Variants in CRIM1 observed in about 807,000 individuals in gnomAD.
CRIM1 encodes cysteine rich transmembrane BMP regulator 1.
Under a neutral mutation model 116.4 loss-of-function variants are expected in CRIM1, and 32 were observed. The ratio of observed to expected loss-of-function variants is 0.27; its 90% CI spans 0.21 to 0.37. CRIM1 has a LOEUF of 0.37. Ranked by LOEUF, CRIM1 falls within the 10% of genes least tolerant of loss-of-function variation. CRIM1 has a pLI of 1.00. For synonymous variants in CRIM1, 590 were observed against 509.2 expected (o/e 1.16, Z -2.13); for missense variants, 1,331 against 1,354.8 (o/e 0.98, Z 0.28).
chr2:36,397,225 T>C (rs11891181), intron 2 of CRIM1, among the ~76,000 whole-genome samples: 29,608 of 152,186 alleles, frequency 0.19, 3,131 homozygotes, highest in South Asian at 0.33. Flanking sequence ...ATTGAAGGCT[T>C]AGGTTGGTTT....
rs540586349 is a variant in CRIM1 at position 36,366,229 on chromosome 2, G to A, written c.331+9606G>A. Among the ~76,000 whole-genome samples, 164 of 151,996 alleles carry A rather than the reference G, an allele frequency of 1.1e-3. 1 individual carries two copies. The highest frequency in any genetic ancestry group is 1.9e-3 in the Non-Finnish European group (130 of 68,012). On this transcript the variant is annotated intron_variant, in intron 1 of 16. Coordinates refer to ENST00000280527, the MANE Select transcript of CRIM1 (RefSeq NM_016441.3). ...TTTTTTCCTTCCTGATGATCAAACCGTATTATCGCATAGTAGAAATTGGAT... is the reference window on the plus strand; with the variant it reads ...TTTTTTCCTTCCTGATGATCAAACCATATTATCGCATAGTAGAAATTGGAT...
chr2:36,400,160 A>G (rs902991927), intron 2 of CRIM1, among the ~76,000 whole-genome samples: 1 of 152,230 alleles, frequency 6.6e-6, no homozygotes, highest in African/African-American at 2.4e-5. Flanking sequence ...TACACTGAGA[A>G]GGAGACAAAA....
chr2:36,534,030 G>A (rs1353974966), intron 13 of CRIM1, among the ~76,000 whole-genome samples: 1 of 137,660 alleles, frequency 7.3e-6, no homozygotes, highest in Non-Finnish European at 1.6e-5. Flanking sequence ...AGGGTGAAAA[G>A]GAGAGAAGGA....
chr2:36,406,534 A>G (rs1460353373), intron 2 of CRIM1, among the ~76,000 whole-genome samples: 4 of 151,886 alleles, frequency 2.6e-5, no homozygotes, highest in African/African-American at 9.7e-5. Flanking sequence ...TCCTTTGCTC[A>G]TGTCAGGAAA....
chr2:36,457,502 G>C (rs919484679), intron 4 of CRIM1, among the ~76,000 whole-genome samples: 1 of 152,170 alleles, frequency 6.6e-6, no homozygotes, highest in Non-Finnish European at 1.5e-5. Context: ...CACTTGCTGT[G>C]GCTACAGCAC....
chr2:36,506,551 A>G, intron 8 of CRIM1, among the ~76,000 whole-genome samples: 1 of 152,118 alleles, frequency 6.6e-6, no homozygotes, highest in East Asian at 1.9e-4. Context: ...TTTTGAGCAT[A>G]GGAGCAAACA....
chr2:36,411,642 G>T (rs1027899074), intron 2 of CRIM1, among the ~76,000 whole-genome samples: 5 of 143,604 alleles, frequency 3.5e-5, no homozygotes, highest in Non-Finnish European at 6.0e-5. Context: ...GCAACCATGT[G>T]ATTATTTTTA....
chr2:36,358,625 A>G (rs1006568005), intron 1 of CRIM1, among the ~76,000 whole-genome samples: 1 of 152,116 alleles, frequency 6.6e-6, no homozygotes, highest in African/African-American at 2.4e-5. Context: ...TTTTCTGGCA[A>G]CACCCTGTGT....
rs530725843 is a variant in CRIM1 at position 36,389,665 on chromosome 2, A to C, written c.332-6949A>C. 1.3e-3 allele frequency among the ~76,000 whole-genome samples: 197 copies of C among 152,320 alleles called. 1 individual carries two copies. Among genetic ancestry groups the C allele is most frequent in the African/African-American group, 4.4e-3 (183 of 41,576 alleles). On this transcript the variant is annotated intron_variant, in intron 1 of 16. Transcript: ENST00000280527. ...TAACCTAAACAGATACAAGGTGGAA[A>C]AGGTAAGAATCTGAGCATACAAATG...
intron 1 of CRIM1, among the ~76,000 whole-genome samples, chr2:36,395,425 T>C (rs1446615048): frequency 6.6e-6 from 1 of 152,280 alleles, no homozygotes; most frequent in Non-Finnish European, 1.5e-5. Context: ...ATGTTTACTA[T>C]GTAACAGTCA....
At chr2:36,544,889 G>A (rs1022526969) in intron 15 of CRIM1, among the ~76,000 whole-genome samples, 2 of 152,176 alleles carry the variant, frequency 1.3e-5, no homozygotes, top group African/African-American at 4.8e-5. Flanking sequence ...TCCGCACTGA[G>A]CATTTGTACA....
intron 7 of CRIM1, among the ~76,000 whole-genome samples, chr2:36,487,691 C>T (rs1276513986): frequency 2.0e-5 from 3 of 152,044 alleles, no homozygotes; most frequent in African/African-American, 7.2e-5. Context: ...GAAGAGGTTT[C>T]AAACAGAATT....
chr2:36,420,352 G>A (rs1331660785), intron 2 of CRIM1, among the ~76,000 whole-genome samples: 1 of 152,174 alleles, frequency 6.6e-6, no homozygotes, highest in Non-Finnish European at 1.5e-5. Flanking sequence ...AGTTAAAGGG[G>A]TGAAGTAACT....
chr2:36,525,082 C>T (rs1665665880), intron 13 of CRIM1, among the ~76,000 whole-genome samples: 2 of 152,180 alleles, frequency 1.3e-5, no homozygotes, highest in African/African-American at 4.8e-5. Flanking sequence ...CATGACTTAG[C>T]TTCAGGGGAC....
chr2:36,456,768 T>G (rs928019080), intron 4 of CRIM1, among the ~76,000 whole-genome samples: 1 of 152,150 alleles, frequency 6.6e-6, no homozygotes. Flanking sequence ...GTTTCTGCTG[T>G]GTCTGTCTCC....
At chr2:36,516,677 G>A (rs897935981) in intron 11 of CRIM1, among the ~76,000 whole-genome samples, 4 of 152,168 alleles carry the variant, frequency 2.6e-5, no homozygotes, top group Non-Finnish European at 4.4e-5. Flanking sequence ...GCTGGCAGCT[G>A]GCTTAGATTG....
intron 1 of CRIM1, among the ~76,000 whole-genome samples, chr2:36,363,055 C>A (rs1214713065): frequency 6.6e-6 from 1 of 151,930 alleles, no homozygotes; most frequent in African/African-American, 2.4e-5. Context: ...AAAAAATTAG[C>A]CAGGCTTGGT....
intron 4 of CRIM1, among the ~76,000 whole-genome samples, chr2:36,447,193 G>A (rs1162719345): frequency 1.3e-5 from 2 of 152,136 alleles, no homozygotes; most frequent in East Asian, 3.9e-4. Flanking sequence ...AATTTTCCTT[G>A]GTACAAGAGA....
chr2:36,405,222 G>A (rs190145273), intron 2 of CRIM1, among the ~76,000 whole-genome samples: 14 of 152,290 alleles, frequency 9.2e-5, no homozygotes, highest in African/African-American at 3.4e-4. Flanking sequence ...AAACACCCAA[G>A]TAAATGTGAT....
Sources: allele counts gnomAD v4.1 joint callset (sites outside exome capture counted in the v4.1 genomes callset), GRCh38; gene constraint gnomAD v4.1.1; transcripts MANE v1.5; gene names NCBI Gene and HGNC (gene_info 2026-07-23, HGNC 2026-07-21).